Variants in CEP112 observed in about 807,000 individuals in gnomAD.
CEP112 encodes centrosomal protein of 112 kDa.
In CEP112, 127 loss-of-function variants were observed where a neutral mutation model predicts 153.0. That is an observed-to-expected ratio of 0.83 (90% confidence interval 0.72 to 0.96). The LOEUF (loss-of-function observed/expected upper bound fraction) is 0.96. Ranked by LOEUF, CEP112 falls within the 40% of genes least tolerant of loss-of-function variation. The probability of loss-of-function intolerance (pLI) is 0.00; values close to 1 mark genes in which losing one functional copy is unlikely to be tolerated. For missense variants in CEP112, 1,089 were observed against 1,101.2 expected (o/e 0.99, Z 0.16); for synonymous variants, 358 against 374.4 (o/e 0.96, Z 0.51).
chr17:66,157,748 A>G (rs1253360878), intron 4 of CEP112, among the ~76,000 whole-genome samples: 2 of 151,476 alleles, frequency 1.3e-5, no homozygotes, highest in Non-Finnish European at 2.9e-5. Flanking sequence ...CTAGTCTCTG[A>G]TAAAACAGAC....
chr17:65,935,807 A>T (rs931775044), intron 18 of CEP112, among the ~76,000 whole-genome samples: 1 of 151,966 alleles, frequency 6.6e-6, no homozygotes, highest in African/African-American at 2.4e-5. Flanking sequence ...AAAGAAAGAC[A>T]AACCTCAAAT....
At chr17:65,990,198 AT>A (rs2063546831) in intron 17 of CEP112, among the ~76,000 whole-genome samples, 1 of 152,218 alleles carries the variant, frequency 6.6e-6, no homozygotes, top group Non-Finnish European at 1.5e-5. Context: ...AATGAACTCA[AT>A]TCTCCAATAA....
chr17:66,155,207 G>T (rs1392115815), intron 4 of CEP112, among the ~76,000 whole-genome samples: 1 of 152,166 alleles, frequency 6.6e-6, no homozygotes, highest in Non-Finnish European at 1.5e-5. Flanking sequence ...ATCTCACTGG[G>T]ACTGGTTAGA....
chr17:66,016,391 T>C (rs4614764), intron 16 of CEP112, among the ~76,000 whole-genome samples: 151,911 of 152,244 alleles, frequency 1, 75,791 homozygotes, highest in Non-Finnish European at 1. Flanking sequence ...GGGCTGTAAC[T>C]GTGCTTCTAT....
At chr17:65,836,229 G>A (rs2057301902) in intron 21 of CEP112, among the ~76,000 whole-genome samples, 1 of 151,904 alleles carries the variant, frequency 6.6e-6, no homozygotes, top group African/African-American at 2.4e-5. Context: ...AAGGAAGGAA[G>A]GATTTACAAA....
chr17:65,717,312 C>T (rs1293700803), intron 23 of CEP112, among the ~76,000 whole-genome samples: 3 of 152,150 alleles, frequency 2.0e-5, no homozygotes, highest in African/African-American at 4.8e-5. Flanking sequence ...GTATTCAGCA[C>T]ACATGTCCTG....
At position 65,712,278 on chromosome 17, in the gene CEP112, T is replaced by C. The variant is rs113730788; in HGVS notation, c.2608-23060A>G. Reference sequence around the variant, plus strand: ...TATGAAATTAATGGTCTGGCCGCCATGGGGCAATTATGATCATTTCTTCTG... The same window carrying C: ...TATGAAATTAATGGTCTGGCCGCCACGGGGCAATTATGATCATTTCTTCTG... On this transcript the variant is annotated intron_variant, in intron 23 of 26. Coordinates refer to ENST00000535342, the MANE Select transcript of CEP112 (RefSeq NM_001199165.4). Among the ~76,000 whole-genome samples, 1,438 of 152,280 alleles carry C rather than the reference T, an allele frequency of 9.4e-3. 13 individuals carry two copies. The highest frequency in any genetic ancestry group is 0.017 in the Non-Finnish European group (1,124 of 68,018).
chr17:65,920,959 AT>A (rs367834351), intron 19 of CEP112, among the ~76,000 whole-genome samples: 122 of 152,018 alleles, frequency 8.0e-4, no homozygotes, highest in East Asian at 3.5e-3. Flanking sequence ...CAGAAAACTC[AT>A]TTTTTTTAAT....
chr17:65,985,697 G>A (rs928566752), intron 17 of CEP112, among the ~76,000 whole-genome samples: 1 of 152,146 alleles, frequency 6.6e-6, no homozygotes. Context: ...CCATTTGGGA[G>A]ATCATGAGTC....
At chr17:65,644,368 T>G in intron 24 of CEP112, 1 of 560,844 alleles carries the variant, frequency 1.8e-6, no homozygotes, top group East Asian at 3.7e-5. Context: ...CAAGTTCAAG[T>G]CTGGCATTTT....
At chr17:65,648,570 G>C in intron 24 of CEP112, among the ~76,000 whole-genome samples, 1 of 152,186 alleles carries the variant, frequency 6.6e-6, no homozygotes, top group Non-Finnish European at 1.5e-5. Flanking sequence ...AGGGTAATCA[G>C]ACAAATGATC....
At chr17:65,980,229 A>G (rs553393493) in intron 17 of CEP112, among the ~76,000 whole-genome samples, 1 of 152,340 alleles carries the variant, frequency 6.6e-6, no homozygotes, top group South Asian at 2.1e-4. Context: ...TACAACTAAA[A>G]TGAATAAATT....
chr17:66,153,515 T>TAA (rs2071297709), intron 4 of CEP112, among the ~76,000 whole-genome samples: 1 of 148,518 alleles, frequency 6.7e-6, no homozygotes, highest in Non-Finnish European at 1.5e-5. Flanking sequence ...GCTCTGGGTA[T>TAA]AAGTCCATAT....
intron 8 of CEP112, among the ~76,000 whole-genome samples, chr17:66,094,062 T>C (rs2068242626): frequency 6.6e-6 from 1 of 152,118 alleles, no homozygotes; most frequent in African/African-American, 2.4e-5. Context: ...ATTATTTTTA[T>C]TTATTTATTT....
At chr17:65,879,425 T>G (rs1440024806) in intron 20 of CEP112, among the ~76,000 whole-genome samples, 1 of 152,240 alleles carries the variant, frequency 6.6e-6, no homozygotes, top group Admixed American at 6.5e-5. Flanking sequence ...AAGACTAATT[T>G]CAGATTTCTC....
chr17:65,960,916 A>C (rs2062174500), intron 18 of CEP112, among the ~76,000 whole-genome samples: 1 of 151,874 alleles, frequency 6.6e-6, no homozygotes, highest in Non-Finnish European at 1.5e-5. Context: ...TATATAAACC[A>C]CGTTAACAAT....
At chr17:66,059,409 G>A (rs1403569129) in intron 11 of CEP112, among the ~76,000 whole-genome samples, 1 of 151,966 alleles carries the variant, frequency 6.6e-6, no homozygotes, top group Non-Finnish European at 1.5e-5. Context: ...ATCTGACAAA[G>A]GTCTAATACC....
intron 21 of CEP112, among the ~76,000 whole-genome samples, chr17:65,851,227 C>T (rs982357991): frequency 2.6e-5 from 4 of 152,208 alleles, no homozygotes; most frequent in Admixed American, 1.3e-4. Context: ...TTTTTCTGAA[C>T]GTCAAAAGAA....
At chr17:66,116,869 T>TTC in intron 6 of CEP112, among the ~76,000 whole-genome samples, 1 of 148,718 alleles carries the variant, frequency 6.7e-6, no homozygotes, top group East Asian at 2.0e-4. Flanking sequence ...TCTCCTTTTT[T>TTC]TTTTTTTTTT....
Sources: allele counts gnomAD v4.1 joint callset (sites outside exome capture counted in the v4.1 genomes callset), GRCh38; gene constraint gnomAD v4.1.1; transcripts MANE v1.5; gene names NCBI Gene and HGNC (gene_info 2026-07-23, HGNC 2026-07-21).